The following PABPC4L variants were observed in gnomAD, a reference collection of about 807,000 sequenced individuals.
PABPC4L encodes the protein poly(A) binding protein cytoplasmic 4 like, also known as polyadenylate-binding protein 4-like.
For missense variants in PABPC4L, 452 were observed against 451.4 expected (o/e 1.00, Z -0.01); for synonymous variants, 169 against 164.1 (o/e 1.03, Z -0.23).
At chr4:133,996,581 G>C in the PABPC4L span, among the ~76,000 whole-genome samples, 4 of 152,286 alleles carry the variant, frequency 2.6e-5, no homozygotes, top group East Asian at 7.7e-4. Flanking sequence ...TGACTGTGCA[G>C]TCTCTTCACC....
At chr4:134,139,827 G>A in the PABPC4L span, among the ~76,000 whole-genome samples, 1 of 151,510 alleles carries the variant, frequency 6.6e-6, no homozygotes, top group Admixed American at 6.6e-5. Flanking sequence ...ATTTTATCTA[G>A]CATTTTTGCA....
chr4:133,958,748 G>A, the PABPC4L span, among the ~76,000 whole-genome samples: 3 of 152,090 alleles, frequency 2.0e-5, no homozygotes, highest in South Asian at 2.1e-4. Flanking sequence ...AAAACTATCC[G>A]ATCTTTTGAG....
the PABPC4L span, among the ~76,000 whole-genome samples, chr4:134,089,783 A>T: frequency 1.3e-5 from 2 of 152,030 alleles, no homozygotes; most frequent in Admixed American, 6.6e-5. Context: ...GGCTGAGCGC[A>T]GACTGTATTA....
At chr4:134,023,473 G>T in the PABPC4L span, among the ~76,000 whole-genome samples, 1 of 152,126 alleles carries the variant, frequency 6.6e-6, no homozygotes, top group African/African-American at 2.4e-5. Context: ...TATAAAAGTG[G>T]TCTTCTTTGA....
chr4:134,071,431 G>T, the PABPC4L span, among the ~76,000 whole-genome samples: 1 of 151,990 alleles, frequency 6.6e-6, no homozygotes, highest in South Asian at 2.1e-4. Context: ...ATGCTAATTG[G>T]CCCTAGAACC....
At chr4:134,149,223 T>C in the PABPC4L span, among the ~76,000 whole-genome samples, 1 of 152,068 alleles carries the variant, frequency 6.6e-6, no homozygotes, top group Admixed American at 6.6e-5. Context: ...CGTTCCCAAG[T>C]CAAAGCAAAA....
the PABPC4L span, among the ~76,000 whole-genome samples, chr4:133,966,987 T>C: frequency 6.6e-6 from 1 of 151,828 alleles, no homozygotes; most frequent in African/African-American, 2.4e-5. Context: ...ACTGAGAAAC[T>C]AGAAAAAACA....
chr4:134,194,866 T>C (rs945801205), downstream of PABPC4L, among the ~76,000 whole-genome samples: 9 of 151,738 alleles, frequency 5.9e-5, no homozygotes, highest in African/African-American at 2.2e-4. Flanking sequence ...CAAGGAATCC[T>C]AGGACACGGT....
At chr4:134,113,784 AG>A in the PABPC4L span, among the ~76,000 whole-genome samples, 1 of 151,882 alleles carries the variant, frequency 6.6e-6, no homozygotes, top group Middle Eastern at 3.2e-3. Flanking sequence ...TGCAAAATGT[AG>A]GAGAAAGTCA....
the PABPC4L span, among the ~76,000 whole-genome samples, chr4:133,964,910 G>C: frequency 6.6e-6 from 1 of 152,072 alleles, no homozygotes; most frequent in South Asian, 2.1e-4. Context: ...ACTGGAACAA[G>C]ACAAGGATAC....
At chr4:134,041,324 CA>C in the PABPC4L span, among the ~76,000 whole-genome samples, 1 of 152,060 alleles carries the variant, frequency 6.6e-6, no homozygotes, top group Non-Finnish European at 1.5e-5. Flanking sequence ...GGAGCCAACT[CA>C]AATGCCCATC....
the PABPC4L span, among the ~76,000 whole-genome samples, chr4:133,970,064 AATATTTAAAAAATATAT>A: frequency 2.2e-4 from 32 of 145,596 alleles, 1 homozygote; most frequent in South Asian, 4.3e-4. Flanking sequence ...AAATATTTAA[AATATTTAAAAAATATAT>A]ATATTTAAAA....
chr4:134,189,276 T>C, the PABPC4L span, among the ~76,000 whole-genome samples: 1 of 151,948 alleles, frequency 6.6e-6, no homozygotes, highest in East Asian at 2.0e-4. Context: ...CCAACATTGT[T>C]GTCATAGTTG....
chr4:134,101,819 T>C, the PABPC4L span, among the ~76,000 whole-genome samples: 50 of 151,494 alleles, frequency 3.3e-4, no homozygotes, highest in Non-Finnish European at 6.8e-4. Flanking sequence ...AATAAATATA[T>C]GGTAAGGCAT....
chr4:133,989,559 T>A, the PABPC4L span, among the ~76,000 whole-genome samples: 2 of 152,102 alleles, frequency 1.3e-5, no homozygotes, highest in Admixed American at 1.3e-4. Context: ...ATTTAACAAG[T>A]CTCAAGAAAG....
At chr4:134,039,624 T>A in the PABPC4L span, among the ~76,000 whole-genome samples, 1 of 152,130 alleles carries the variant, frequency 6.6e-6, no homozygotes, top group Non-Finnish European at 1.5e-5. Flanking sequence ...GTCTGTTTTA[T>A]CAGAGACTAG....
the PABPC4L span, among the ~76,000 whole-genome samples, chr4:133,950,174 G>A: frequency 6.6e-6 from 1 of 151,978 alleles, no homozygotes; most frequent in African/African-American, 2.4e-5. Flanking sequence ...GTTTGAATCG[G>A]TATTTTTCAC....
chr4:134,000,196 G>A, the PABPC4L span, among the ~76,000 whole-genome samples: 1 of 152,040 alleles, frequency 6.6e-6, no homozygotes, highest in African/African-American at 2.4e-5. Context: ...AATCAAAAAA[G>A]CATATACAAC....
chr4:134,027,337 CAG>C, the PABPC4L span, among the ~76,000 whole-genome samples: 4 of 152,166 alleles, frequency 2.6e-5, no homozygotes, highest in East Asian at 1.9e-4. Flanking sequence ...GGGAGAGAGA[CAG>C]AGAGAGAGTC....
Sources: allele counts gnomAD v4.1 joint callset (sites outside exome capture counted in the v4.1 genomes callset), GRCh38; gene constraint gnomAD v4.1.1; transcripts MANE v1.5; gene names NCBI Gene and HGNC (gene_info 2026-07-23, HGNC 2026-07-21).